The following INTS14 variants were observed in gnomAD, a reference collection of about 807,000 sequenced individuals.
The protein encoded by INTS14 is integrator complex subunit 14.
In INTS14, 27 loss-of-function variants were observed where a neutral mutation model predicts 56.9. The observed-to-expected ratio is 0.47, with a 90% confidence interval of 0.35 to 0.65. The LOEUF (loss-of-function observed/expected upper bound fraction) is 0.65, where lower values mean the gene tolerates loss of function less well. Ranked by LOEUF, INTS14 falls within the 30% of genes least tolerant of loss-of-function variation. The pLI is 0.00. For missense variants in INTS14, 517 were observed against 632.2 expected (o/e 0.82, Z 1.95); for synonymous variants, 207 against 236.2 (o/e 0.88, Z 1.13).
At chr15:65,609,081 G>A (rs557961091) in intron 1 of INTS14, among the ~76,000 whole-genome samples, 3 of 152,210 alleles carry the variant, frequency 2.0e-5, no homozygotes, top group African/African-American at 7.2e-5. Flanking sequence ...CACCACACTC[G>A]GCTAATTTTT....
intron 1 of INTS14, 54 bp downstream of exon 1, chr15:65,611,044 G>C (rs1261597480): frequency 1.3e-6 from 2 of 1,535,482 alleles, no homozygotes; most frequent in South Asian, 1.2e-5. Flanking sequence ...CCCTTCACCT[G>C]TAACCCCAAC....
At chr15:65,609,340 C>A (rs1444284038) in intron 1 of INTS14, among the ~76,000 whole-genome samples, 6 of 151,560 alleles carry the variant, frequency 4.0e-5, no homozygotes, top group Middle Eastern at 3.4e-3. Context: ...TAAGCATAGG[C>A]GTAAAAGAAG....
chr15:65,580,146 G>C (rs902819166), intron 11 of INTS14, among the ~76,000 whole-genome samples: 1 of 152,128 alleles, frequency 6.6e-6, no homozygotes, highest in African/African-American at 2.4e-5. Context: ...AGAAAGGCTG[G>C]TTACTGATAG....
At chr15:65,582,403 T>C (rs961080443) in intron 10 of INTS14, among the ~76,000 whole-genome samples, 1 of 152,020 alleles carries the variant, frequency 6.6e-6, no homozygotes, top group Non-Finnish European at 1.5e-5. Context: ...TCATACCATA[T>C]ACAAAAAACT....
chr15:65,594,649 G>A (rs546896528), intron 7 of INTS14, among the ~76,000 whole-genome samples: 5 of 147,606 alleles, frequency 3.4e-5, no homozygotes, highest in African/African-American at 1.0e-4. Flanking sequence ...TGATCCACCC[G>A]CCTTGGCCTC....
intron 9 of INTS14, among the ~76,000 whole-genome samples, chr15:65,589,938 C>T (rs1308879934): frequency 6.6e-6 from 1 of 152,124 alleles, no homozygotes; most frequent in East Asian, 1.9e-4. Flanking sequence ...CTCACAGGCA[C>T]GAACTCAACA....
intron 7 of INTS14, among the ~76,000 whole-genome samples, chr15:65,595,416 C>A (rs1475510760): frequency 2.0e-5 from 3 of 152,182 alleles, no homozygotes; most frequent in African/African-American, 7.2e-5. Context: ...CATCTGATAA[C>A]TACTTAAGCT....
intron 6 of INTS14, 62 bp downstream of exon 6, chr15:65,598,259 A>G (rs2073285128): frequency 6.6e-7 from 1 of 1,514,484 alleles, no homozygotes; most frequent in Non-Finnish European, 9.1e-7. Flanking sequence ...AGTAAAAGTC[A>G]CAAGTCAGAA....
chr15:65,587,605 G>C (rs371837691), intron 9 of INTS14, among the ~76,000 whole-genome samples: 1 of 152,180 alleles, frequency 6.6e-6, no homozygotes, highest in Non-Finnish European at 1.5e-5. Flanking sequence ...GGAAATGTGC[G>C]TCTTGTGTAG....
chr15:65,594,083 C>T (rs542603633), intron 7 of INTS14, among the ~76,000 whole-genome samples: 2 of 152,290 alleles, frequency 1.3e-5, no homozygotes, highest in South Asian at 4.2e-4. Context: ...AAGCTTCAGG[C>T]ACCCATTTAA....
chr15:65,581,876 C>A, intron 11 of INTS14, 78 bp downstream of exon 11: 1 of 1,423,292 alleles, frequency 7.0e-7, no homozygotes, highest in Non-Finnish European at 9.8e-7. Flanking sequence ...TAACCCCTGC[C>A]CATATTCACA....
At position 65,596,711 on chromosome 15, in the gene INTS14, T is replaced by C. The variant is rs534723216; in HGVS notation, c.749-886A>G. On this transcript the variant is annotated intron_variant, in intron 6 of 11. Coordinates refer to ENST00000313182, the MANE Select transcript of INTS14 (RefSeq NM_001394796.1). ...TCAGCCTCCCAAGCAGCTGGGATTATAGACATGTGCCACCACGCCTGGCTA... is the reference window on the plus strand; with the variant it reads ...TCAGCCTCCCAAGCAGCTGGGATTACAGACATGTGCCACCACGCCTGGCTA... Among the ~76,000 whole-genome samples the C allele has an allele frequency of 2.6e-3, 394 of 152,240 alleles. 1 individual carries two copies. Among genetic ancestry groups the C allele is most frequent in the African/African-American group, 8.8e-3 (366 of 41,536 alleles).
At chr15:65,609,414 T>G (rs866948014) in intron 1 of INTS14, among the ~76,000 whole-genome samples, 7 of 147,312 alleles carry the variant, frequency 4.8e-5, no homozygotes, top group African/African-American at 1.2e-4. Flanking sequence ...AAAAAAAAAG[T>G]GAGGTCCTGC....
chr15:65,601,367 G>A (rs2141308034), intron 3 of INTS14, among the ~76,000 whole-genome samples: 1 of 151,828 alleles, frequency 6.6e-6, no homozygotes, highest in Middle Eastern at 3.4e-3. Flanking sequence ...TTTTGACAAG[G>A]AGACTCACTC....
At chr15:65,597,558 A>T (rs979749789) in intron 6 of INTS14, among the ~76,000 whole-genome samples, 2 of 152,230 alleles carry the variant, frequency 1.3e-5, no homozygotes, top group Non-Finnish European at 2.9e-5. Context: ...AAGCTGTGGT[A>T]CATCACTTTC....
intron 8 of INTS14, among the ~76,000 whole-genome samples, chr15:65,592,271 T>C (rs1046108568): frequency 6.6e-6 from 1 of 152,254 alleles, no homozygotes; most frequent in Non-Finnish European, 1.5e-5. Flanking sequence ...TTCCTCTTTT[T>C]GGACCAGCTA....
At chr15:65,604,318 G>T (rs1024195906) in intron 3 of INTS14, among the ~76,000 whole-genome samples, 1 of 152,108 alleles carries the variant, frequency 6.6e-6, no homozygotes, top group South Asian at 2.1e-4. Flanking sequence ...TCTTGACCTG[G>T]TGATCCGTCC....
intron 3 of INTS14, among the ~76,000 whole-genome samples, chr15:65,602,371 C>A (rs1016367063): frequency 6.6e-6 from 1 of 150,948 alleles, no homozygotes; most frequent in Non-Finnish European, 1.5e-5. Flanking sequence ...CTACAAAATC[C>A]ACCTCCCAGG....
intron 10 of INTS14, 55 bp downstream of exon 10, chr15:65,584,715 G>T: frequency 4.9e-6 from 7 of 1,436,486 alleles, no homozygotes; most frequent in Non-Finnish European, 6.7e-6. Flanking sequence ...ATGCCTGCCT[G>T]CCTACCCAAA....
Sources: gnomAD v4.1 joint callset for allele counts (sites outside exome capture counted in the v4.1 genomes callset) on GRCh38, gnomAD v4.1.1 for gene constraint, MANE v1.5 for transcripts, NCBI Gene and HGNC (gene_info 2026-07-23, HGNC 2026-07-21) for gene names.